Variants in GRIN2B observed in about 807,000 individuals in gnomAD.
GRIN2B encodes the protein glutamate ionotropic receptor NMDA type subunit 2B, also known as glutamate receptor ionotropic, NMDA 2B.
A neutral mutation model predicts 114.5 loss-of-function variants in GRIN2B; 5 were observed. That is an observed-to-expected ratio of 0.04 (90% CI 0.02 to 0.09). GRIN2B has a LOEUF of 0.09. Ranked by LOEUF, GRIN2B falls within the 10% of genes least tolerant of loss-of-function variation. The pLI, the probability that GRIN2B is intolerant of heterozygous loss-of-function variation, is 1.00. For synonymous variants in GRIN2B, 787 were observed against 745.1 expected (o/e 1.06, Z -0.92); for missense variants, 1,108 against 1,943.5 (o/e 0.57, Z 8.08).
chr12:13,562,569 GAAGAAGGAGAGAACTGTGAA>G lies in GRIN2B; in HGVS notation c.*194_*213del, dbSNP rs564079045. The G allele has an allele frequency of 3.4e-4, 201 of 583,250 alleles. 9 individuals are homozygous for G. The South Asian group carries it at 4.1e-3, about 12-fold the overall frequency. 36.1% of individuals were successfully genotyped at this position (583,250 alleles called of 1,614,324 possible). ...GAACAGGAATGGCTGACAGCGGGGG[GAAGAAGGAGAGAACTGTGAA>G]AAGGAGGAGAGATGGTGCTGGTCAC... On this transcript the variant is annotated 3_prime_UTR_variant, in exon 14 of 14. Coordinates refer to ENST00000609686, the MANE Select transcript of GRIN2B (RefSeq NM_000834.5).
intron 3 of GRIN2B, among the ~76,000 whole-genome samples, chr12:13,829,854 G>A (rs1865115014): frequency 6.6e-6 from 1 of 152,142 alleles, no homozygotes. Flanking sequence ...ACAGCTCTCT[G>A]ACTTAAAGAA....
chr12:13,910,509 G>A (rs1297966239), intron 2 of GRIN2B, among the ~76,000 whole-genome samples: 1 of 152,166 alleles, frequency 6.6e-6, no homozygotes, highest in Non-Finnish European at 1.5e-5. Context: ...CTAATCCTTT[G>A]ACGCAAGTCC....
chr12:13,707,069 A>G (rs1950366248), intron 4 of GRIN2B, among the ~76,000 whole-genome samples: 1 of 151,810 alleles, frequency 6.6e-6, no homozygotes, highest in Non-Finnish European at 1.5e-5. Context: ...CTTATTCTTA[A>G]TCTATGAGCA....
chr12:13,678,772 G>A (rs1342317602), intron 4 of GRIN2B, among the ~76,000 whole-genome samples: 1 of 152,080 alleles, frequency 6.6e-6, no homozygotes, highest in Non-Finnish European at 1.5e-5. Flanking sequence ...AGGCCCTGAA[G>A]AATTCATTGC....
chr12:13,539,049 C>T lies in GRIN2B; in HGVS notation c.*23734G>A, dbSNP rs1237655749. 2 of 152,204 alleles carry T rather than the reference C, an allele frequency of 1.3e-5. No individual in the cohort carries two copies. Among genetic ancestry groups the T allele is most frequent in the African/African-American group, 2.4e-5 (1 of 41,454 alleles). 9.4% of individuals were successfully genotyped at this position (152,204 alleles called of 1,614,324 possible). ...GAGAATCACTATATCTGGGAAGAAT[C>T]TGGCTTTATGTTAGAGCTTGCTACT... On this transcript the variant is annotated 3_prime_UTR_variant, in exon 14 of 14. Transcript: ENST00000609686.
chr12:13,835,771 T>TAAAAAAAAA (rs1165005583), intron 3 of GRIN2B, among the ~76,000 whole-genome samples: 2 of 91,484 alleles, frequency 2.2e-5, no homozygotes, highest in African/African-American at 4.4e-5. Flanking sequence ...CATAGCACAT[T>TAAAAAAAAA]AAAAAAAAAA....
intron 4 of GRIN2B, among the ~76,000 whole-genome samples, chr12:13,730,194 T>C (rs1863063465): frequency 6.6e-6 from 1 of 152,120 alleles, no homozygotes; most frequent in African/African-American, 2.4e-5. Flanking sequence ...TTCATATAGA[T>C]TTATGTCTTA....
chr12:13,779,837 T>G (rs558432351), intron 3 of GRIN2B, among the ~76,000 whole-genome samples: 1 of 152,206 alleles, frequency 6.6e-6, no homozygotes, highest in Non-Finnish European at 1.5e-5. Context: ...TGTGCCTCAG[T>G]TGCCCCATCT....
Position 13,566,896 on chromosome 12 carries a change from T to C in GRIN2B, c.2598+129A>G, listed in dbSNP as rs992943819. On this transcript the variant is annotated intron_variant, in intron 13 of 13. Coordinates refer to ENST00000609686, the MANE Select transcript of GRIN2B (RefSeq NM_000834.5). ...TATCACACAAACTCCTAAGAAAACA[T>C]ACATGATGTGGTTTCTTGCTTGAGC... is the stretch of plus-strand genomic sequence containing the variant. 9 of 749,988 alleles carry C rather than the reference T, an allele frequency of 1.2e-5. No homozygotes were observed. The African/African-American group carries it at 1.5e-4, about 13-fold the overall frequency. 46.5% of individuals were successfully genotyped at this position (749,988 alleles called of 1,614,324 possible).
At chr12:13,954,536 T>C (rs887646860) in intron 2 of GRIN2B, among the ~76,000 whole-genome samples, 5 of 151,896 alleles carry the variant, frequency 3.3e-5, no homozygotes, top group African/African-American at 1.2e-4. Context: ...CTGGGTGACA[T>C]TCATATGAAA....
chr12:13,569,585 T>C (rs1270966740), intron 12 of GRIN2B, among the ~76,000 whole-genome samples: 1 of 152,192 alleles, frequency 6.6e-6, no homozygotes, highest in African/African-American at 2.4e-5. Flanking sequence ...GCTGGCACTG[T>C]GATTTCAGAC....
chr12:13,974,999 G>T (rs1470591707), intron 2 of GRIN2B, among the ~76,000 whole-genome samples: 1 of 152,216 alleles, frequency 6.6e-6, no homozygotes, highest in East Asian at 1.9e-4. Context: ...AGCACAGAAT[G>T]AAAAGAGAGC....
intron 4 of GRIN2B, among the ~76,000 whole-genome samples, chr12:13,742,385 G>T (rs889955358): frequency 2.0e-5 from 3 of 152,138 alleles, no homozygotes; most frequent in African/African-American, 7.2e-5. Flanking sequence ...TCTCAAAGTT[G>T]TCTACCAAAG....
intron 3 of GRIN2B, among the ~76,000 whole-genome samples, chr12:13,772,470 GACAAGCTCC>G (rs1469663006): frequency 6.6e-6 from 1 of 152,092 alleles, no homozygotes; most frequent in African/African-American, 2.4e-5. Context: ...CTGCTCAGTC[GACAAGCTCC>G]ACCCACTTGC....
At chr12:13,608,576 AC>A (rs1393847255) in intron 10 of GRIN2B, 26 bp downstream of exon 10, 3 of 1,500,624 alleles carry the variant, frequency 2.0e-6, no homozygotes, top group Non-Finnish European at 2.8e-6. Context: ...TGAGGGAAAG[AC>A]GGGAGATTTC....
At chr12:13,678,539 T>C (rs1273876077) in intron 4 of GRIN2B, among the ~76,000 whole-genome samples, 1 of 152,104 alleles carries the variant, frequency 6.6e-6, no homozygotes, top group Non-Finnish European at 1.5e-5. Context: ...ATTCCTCATA[T>C]GCCATGGCTT....
chr12:13,742,592 G>C (rs1365772782), intron 4 of GRIN2B, among the ~76,000 whole-genome samples: 1 of 152,012 alleles, frequency 6.6e-6, no homozygotes, highest in Non-Finnish European at 1.5e-5. Flanking sequence ...CACCACACCT[G>C]GTTAATTTTT....
At chr12:13,970,251 G>T (rs1333420707) in intron 2 of GRIN2B, among the ~76,000 whole-genome samples, 2 of 152,268 alleles carry the variant, frequency 1.3e-5, no homozygotes, top group South Asian at 4.1e-4. Context: ...ATGAGAGAGA[G>T]CTTTTTGAAG....
At chr12:13,900,758 G>A (rs746586630) in intron 2 of GRIN2B, among the ~76,000 whole-genome samples, 2 of 152,086 alleles carry the variant, frequency 1.3e-5, no homozygotes, top group Non-Finnish European at 2.9e-5. Flanking sequence ...AGAACATTAC[G>A]TGGATAGAAT....
Sources: allele counts gnomAD v4.1 joint callset (sites outside exome capture counted in the v4.1 genomes callset), GRCh38; gene constraint gnomAD v4.1.1; transcripts MANE v1.5; gene names NCBI Gene and HGNC (gene_info 2026-07-23, HGNC 2026-07-21).